The following SLC22A24 variants were observed in gnomAD, a reference collection of about 807,000 sequenced individuals.
The protein encoded by SLC22A24 is steroid transmembrane transporter SLC22A24.
A neutral mutation model predicts 49.8 loss-of-function variants in SLC22A24; 53 were observed. The ratio of observed to expected loss-of-function variants is 1.06; its 90% CI spans 0.85 to 1.34. The LOEUF (loss-of-function observed/expected upper bound fraction) is 1.34. Among genes scored for constraint, SLC22A24 ranks in the 40% most tolerant of loss-of-function variants. SLC22A24 has a pLI of 0.00. For synonymous variants in SLC22A24, 302 were observed against 256.4 expected (o/e 1.18, Z -1.70); for missense variants, 786 against 675.9 (o/e 1.16, Z -1.81).
chr11:63,129,111 C>T (rs919182943), intron 2 of SLC22A24, among the ~76,000 whole-genome samples: 14 of 152,112 alleles, frequency 9.2e-5, no homozygotes, highest in Admixed American at 3.3e-4. Context: ...GGTGTTAGGT[C>T]TTACATTTAA....
chr11:63,092,185 C>A (rs758436277), intron 6 of SLC22A24, among the ~76,000 whole-genome samples: 6 of 151,816 alleles, frequency 4.0e-5, no homozygotes, highest in Admixed American at 6.6e-5. Context: ...CCTAGGAATA[C>A]AACTTACAAG....
chr11:63,124,425 A>T (rs183041985), intron 2 of SLC22A24, among the ~76,000 whole-genome samples: 1 of 152,226 alleles, frequency 6.6e-6, no homozygotes, highest in East Asian at 1.9e-4. Context: ...TTCTTTTTAA[A>T]GAAGTGAGCA....
chr11:63,134,628 T>G, intron 2 of SLC22A24, 37 bp downstream of exon 2: 1 of 1,192,196 alleles, frequency 8.4e-7, no homozygotes, highest in African/African-American at 1.5e-5. Context: ...ATATATCATC[T>G]GATAAACAGC....
intron 6 of SLC22A24, among the ~76,000 whole-genome samples, chr11:63,086,334 A>C (rs1037441563): frequency 6.6e-6 from 1 of 152,242 alleles, no homozygotes; most frequent in Admixed American, 6.5e-5. Context: ...GTACACATAC[A>C]CCATGGAATA....
intron 1 of SLC22A24, among the ~76,000 whole-genome samples, chr11:63,136,906 T>TAGTCATGGG (rs1260666253): frequency 1.3e-5 from 2 of 152,168 alleles, no homozygotes; most frequent in Non-Finnish European, 2.9e-5. Context: ...AATGGAGACA[T>TAGTCATGGG]AGTCATGGGG....
chr11:63,124,653 G>A (rs4963248), intron 2 of SLC22A24, among the ~76,000 whole-genome samples: 120,931 of 152,012 alleles, frequency 0.8, 49,184 homozygotes, highest in East Asian at 0.9. Flanking sequence ...GGCTGCCACT[G>A]TTAGCTCTTA....
rs754245809 is a variant in SLC22A24 at position 63,096,031 on chromosome 11, G to A, written c.1030C>T (p.Pro344Ser). 596 of 1,550,880 alleles carry A rather than the reference G, an allele frequency of 3.8e-4. 1 individual carries two copies. The Middle Eastern group carries it at 6.2e-3, about 16-fold the overall frequency. Residue 344 changes from proline to serine, a missense_variant, in exon 6 of 10, where the codon CCC (proline) becomes TCC (serine). Coordinates refer to ENST00000612278, the MANE Select transcript of SLC22A24 (RefSeq NM_001136506.2). ...CCGAAGACTCTCATTCGCAATTTGG[G>A]TGCACGGAACAGGGAAAAAATGGAT... ...KTSIFSLFRA[P>S]KLRMRVFGLC... is the part of the protein sequence containing the mutation.
chr11:63,143,320 T>C, intron 1 of SLC22A24, 58 bp downstream of exon 1: 1 of 1,363,736 alleles, frequency 7.3e-7, no homozygotes, highest in Non-Finnish European at 9.5e-7. Context: ...TCAATTTTTT[T>C]GTGTTAACTC....
intron 2 of SLC22A24, among the ~76,000 whole-genome samples, chr11:63,122,896 G>A (rs995241849): frequency 5.9e-5 from 9 of 152,070 alleles, no homozygotes; most frequent in African/African-American, 1.2e-4. Flanking sequence ...TACTTATAAT[G>A]TACAGTAATC....
chr11:63,125,555 C>G (rs2087284378), intron 2 of SLC22A24, among the ~76,000 whole-genome samples: 1 of 152,138 alleles, frequency 6.6e-6, no homozygotes, highest in African/African-American at 2.4e-5. Context: ...TCCAGTCTGT[C>G]ATTGGTGGAC....
chr11:63,092,095 C>CTATATATATA (rs2087023883), intron 6 of SLC22A24, among the ~76,000 whole-genome samples: 1 of 151,990 alleles, frequency 6.6e-6, no homozygotes. Context: ...ACAAGCATTC[C>CTATATATATA]TATACACCAA....
At chr11:63,112,399 T>A (rs1346880649) in intron 4 of SLC22A24, among the ~76,000 whole-genome samples, 1 of 152,186 alleles carries the variant, frequency 6.6e-6, no homozygotes, top group Admixed American at 6.5e-5. Flanking sequence ...AATTCCTGGG[T>A]ATCCTTGTTA....
At chr11:63,089,940 G>A (rs1344124837) in intron 6 of SLC22A24, among the ~76,000 whole-genome samples, 2 of 151,834 alleles carry the variant, frequency 1.3e-5, no homozygotes, top group African/African-American at 2.4e-5. Context: ...AATTAGCCAG[G>A]CGTGGTGGTG....
chr11:63,142,780 A>G (rs758904765), intron 1 of SLC22A24, among the ~76,000 whole-genome samples: 9 of 152,046 alleles, frequency 5.9e-5, no homozygotes, highest in Admixed American at 1.3e-4. Flanking sequence ...TTGACTCCCT[A>G]TGATTTCAGC....
chr11:63,120,041 G>A (rs1051155542), intron 2 of SLC22A24, among the ~76,000 whole-genome samples: 1 of 151,444 alleles, frequency 6.6e-6, no homozygotes, highest in Non-Finnish European at 1.5e-5. Context: ...AGATGAGTAG[G>A]TTGTGAAAAT....
intron 6 of SLC22A24, among the ~76,000 whole-genome samples, chr11:63,090,934 A>T (rs12275473): frequency 6.6e-6 from 1 of 151,818 alleles, no homozygotes; most frequent in Non-Finnish European, 1.5e-5. Flanking sequence ...AAATAAGATC[A>T]TAGTAGAGTT....
chr11:63,111,059 G>A (rs909693813), intron 4 of SLC22A24, among the ~76,000 whole-genome samples: 12 of 152,080 alleles, frequency 7.9e-5, no homozygotes, highest in Admixed American at 4.6e-4. Flanking sequence ...TTAGCATGAA[G>A]GGTTGTTGAA....
At chr11:63,099,371 ATTTTTTTTTTTT>A (rs56708217) in intron 5 of SLC22A24, among the ~76,000 whole-genome samples, 64 of 52,336 alleles carry the variant, frequency 1.2e-3, no homozygotes, top group Admixed American at 6.5e-3. Context: ...AATTTTTAAG[ATTTTTTTTTTTT>A]TTTTTTTTTT....
intron 4 of SLC22A24, among the ~76,000 whole-genome samples, chr11:63,107,495 G>A (rs1400540113): frequency 2.0e-5 from 3 of 152,132 alleles, no homozygotes; most frequent in African/African-American, 4.8e-5. Context: ...TGATGGGGAT[G>A]GCATTGAATC....
Sources: allele counts gnomAD v4.1 joint callset (sites outside exome capture counted in the v4.1 genomes callset), GRCh38; gene constraint gnomAD v4.1.1; transcripts MANE v1.5; gene names NCBI Gene and HGNC (gene_info 2026-07-23, HGNC 2026-07-21).